The following ACCS variants were observed in gnomAD, a reference collection of about 807,000 sequenced individuals.
The protein encoded by ACCS is 1-aminocyclopropane-1-carboxylate synthase homolog (inactive).
ACCS carries 42 observed loss-of-function variants against 59.8 expected under a neutral mutation model. That is an observed-to-expected ratio of 0.70 (90% CI 0.55 to 0.91). The LOEUF (loss-of-function observed/expected upper bound fraction) is 0.91. ACCS is among the 40% of genes least tolerant of loss of function. The probability of loss-of-function intolerance (pLI) is 0.00; values close to 1 mark genes in which losing one functional copy is unlikely to be tolerated. For missense variants in ACCS, 602 were observed against 630.4 expected (o/e 0.95, Z 0.48); for synonymous variants, 230 against 240.3 (o/e 0.96, Z 0.40).
intron 2 of ACCS, 141 bp downstream of exon 2, chr11:44,068,056 T>A: frequency 1.1e-6 from 1 of 925,346 alleles, no homozygotes; most frequent in Non-Finnish European, 1.6e-6. Context: ...GCTTCTGATG[T>A]AGCTTAGAGA....
At chr11:44,067,274 T>G (rs1952833964) in intron 1 of ACCS, 1 of 206,392 alleles carries the variant, frequency 4.8e-6, no homozygotes, top group Non-Finnish European at 9.8e-6. Flanking sequence ...CAGGAAATTT[T>G]AACCTGGCAT....
intron 12 of ACCS, among the ~76,000 whole-genome samples, chr11:44,082,621 A>T (rs1169852610): frequency 6.6e-6 from 1 of 152,188 alleles, no homozygotes; most frequent in Non-Finnish European, 1.5e-5. Flanking sequence ...GTCACATCAG[A>T]GATGTGACTA....
chr11:44,077,727 A>G (rs1056669609), intron 7 of ACCS, 118 bp from the exon 8 acceptor site: 2 of 1,474,652 alleles, frequency 1.4e-6, no homozygotes, highest in Non-Finnish European at 1.8e-6. Context: ...CTGCTTTTCC[A>G]GAGACTCTTC....
Position 44,077,328 on chromosome 11 carries a change from G to T in ACCS, c.606G>T (p.Val202=), listed in dbSNP as rs79793705. ...TPYYGAITQH[V]CLYGNIRLAY... ...ACTATGGCGCTATCACACAGCACGT[G>T]TGTCTCTATGGCAACATCCGGCTGG... Residue 202 remains valine, a synonymous_variant, in exon 7 of 15, where the codon GTG becomes GTT. Transcript: ENST00000263776. The T allele has an allele frequency of 3.7e-6, 6 of 1,614,168 alleles. No individual in the cohort carries two copies. The highest frequency in any genetic ancestry group is 4.2e-6 in the Non-Finnish European group (5 of 1,180,026).
Position 44,075,519 on chromosome 11 carries a change from C to T in ACCS, c.490-7C>T, listed in dbSNP as rs1409008311. 2 of 1,614,084 alleles carry T rather than the reference C, an allele frequency of 1.2e-6. No homozygotes were observed. The highest frequency in any genetic ancestry group is 2.2e-5 in the East Asian group (1 of 44,862). ...TCATCTTCATCCCTTGGATATGTCG[C>T]CCTTAGGTGGTTGTCCTGAATGGTG... On this transcript the variant is annotated splice_region_variant and splice_polypyrimidine_tract_variant and intron_variant, in intron 5 of 14. Coordinates refer to ENST00000263776, the MANE Select transcript of ACCS (RefSeq NM_032592.4).
At chr11:44,075,613 G>A in intron 6 of ACCS, 21 bp downstream of exon 6, 1 of 1,612,656 alleles carries the variant, frequency 6.2e-7, no homozygotes, top group Non-Finnish European at 8.5e-7. Flanking sequence ...TCTGTGGCCT[G>A]CCCCGCACTG....
intron 10 of ACCS, 150 bp from the exon 11 acceptor site, chr11:44,080,870 A>C: frequency 1.1e-6 from 1 of 912,180 alleles, no homozygotes; most frequent in South Asian, 1.6e-5. Flanking sequence ...TAAAGGATGC[A>C]TGGGAATGGG....
chr11:44,071,197 G>A (rs927768598), intron 2 of ACCS, 59 bp from the exon 3 acceptor site: 2 of 1,587,220 alleles, frequency 1.3e-6, no homozygotes, highest in Admixed American at 1.7e-5. Context: ...GGGCTCCTGG[G>A]GCCTTTCACT....
intron 2 of ACCS, among the ~76,000 whole-genome samples, chr11:44,069,919 C>T (rs1157504766): frequency 6.6e-6 from 1 of 152,216 alleles, no homozygotes; most frequent in East Asian, 1.9e-4. Flanking sequence ...GTAGGCCTTA[C>T]AGGCTGCGCA....
intron 4 of ACCS, 132 bp downstream of exon 4, chr11:44,073,649 A>G: frequency 1.2e-6 from 1 of 844,318 alleles, no homozygotes; most frequent in South Asian, 1.7e-5. Context: ...GATGCTGCCT[A>G]AAGTTCTACA....
At chr11:44,080,794 T>A in intron 10 of ACCS, 1 of 590,058 alleles carries the variant, frequency 1.7e-6, no homozygotes. Flanking sequence ...TCATTAAACT[T>A]TATTTACAAG....
intron 6 of ACCS, 136 bp downstream of exon 6, chr11:44,075,728 A>T: frequency 3.7e-6 from 4 of 1,085,406 alleles, no homozygotes; most frequent in Non-Finnish European, 5.2e-6. Flanking sequence ...GGGCTTGAAT[A>T]AGTGGCTTGA....
intron 8 of ACCS, 86 bp downstream of exon 8, chr11:44,078,008 CG>C: frequency 6.7e-7 from 1 of 1,485,310 alleles, no homozygotes. Context: ...GATCTCCTCC[CG>C]GGAGTAGGGT....
At chr11:44,078,446 T>C in intron 8 of ACCS, 1 of 461,258 alleles carries the variant, frequency 2.2e-6, no homozygotes, top group Non-Finnish European at 3.8e-6. Flanking sequence ...AACCCAAAAT[T>C]CTACCAACAA....
At position 44,083,978 on chromosome 11, in the gene ACCS, C is replaced by G. The variant is rs1002578440; in HGVS notation, c.*186C>G. The G allele has an allele frequency of 2.0e-5, 26 of 1,311,972 alleles. No homozygotes were observed. Among genetic ancestry groups the G allele is most frequent in the Non-Finnish European group, 2.4e-5 (24 of 988,752 alleles). 81.3% of individuals were successfully genotyped at this position (1,311,972 alleles called of 1,614,324 possible). ...GAAACTCCTTAAGCTGTGGTTCAGC[C>G]TGGGCCCTCCCTCTCTCCTATTAAA... On this transcript the variant is annotated 3_prime_UTR_variant, in exon 15 of 15. Coordinates refer to ENST00000263776, the MANE Select transcript of ACCS (RefSeq NM_032592.4).
At chr11:44,078,881 TG>T in intron 9 of ACCS, 97 bp downstream of exon 9, 1 of 1,008,338 alleles carries the variant, frequency 9.9e-7, no homozygotes, top group South Asian at 1.5e-5. Context: ...GACCCCACTG[TG>T]GGCTGCTACT....
intron 2 of ACCS, 144 bp from the exon 3 acceptor site, chr11:44,071,112 C>T (rs1017057229): frequency 6.0e-6 from 5 of 828,668 alleles, no homozygotes; most frequent in Non-Finnish European, 1.0e-5. Flanking sequence ...GAAGGCACAC[C>T]TTGAGCAAAG....
chr11:44,078,787 G>T lies in ACCS; in HGVS notation c.833+3G>T, dbSNP rs1469247495. On this transcript the variant is annotated splice_donor_region_variant and intron_variant, in intron 9 of 14. Transcript: ENST00000263776. ...GAGTACCTGGTATTTGCCAAGAGGT[G>T]AGGCACCCCACACTGGCCCCGACAG... 1.2e-6 allele frequency: 2 copies of T among 1,613,734 alleles called. No individual in the cohort carries two copies. Among genetic ancestry groups the T allele is most frequent in the South Asian group, 2.2e-5 (2 of 91,032 alleles).
At chr11:44,068,313 T>G (rs1565168317) in intron 2 of ACCS, among the ~76,000 whole-genome samples, 1 of 152,172 alleles carries the variant, frequency 6.6e-6, no homozygotes, top group Non-Finnish European at 1.5e-5. Context: ...AATGAGATAA[T>G]AAGGCCAAGC....
Sources: gnomAD v4.1 joint callset for allele counts (sites outside exome capture counted in the v4.1 genomes callset) on GRCh38, gnomAD v4.1.1 for gene constraint, MANE v1.5 for transcripts, NCBI Gene and HGNC (gene_info 2026-07-23, HGNC 2026-07-21) for gene names.